The following PRIMPOL variants were observed in gnomAD, a reference collection of about 807,000 sequenced individuals.
PRIMPOL encodes DNA-directed primase/polymerase protein.
In PRIMPOL, 54 loss-of-function variants were observed where a neutral mutation model predicts 63.6. That is an observed-to-expected ratio of 0.85 (90% CI 0.68 to 1.07). PRIMPOL has a LOEUF of 1.07. Among genes scored for constraint, PRIMPOL ranks in the 50% least tolerant of loss-of-function variants. The pLI, the probability that PRIMPOL is intolerant of heterozygous loss-of-function variation, is 0.00. For missense variants in PRIMPOL, 610 were observed against 648.3 expected (o/e 0.94, Z 0.64); for synonymous variants, 197 against 220.2 (o/e 0.89, Z 0.93).
chr4:184,659,061 C>T (rs1374296218), intron 3 of PRIMPOL, among the ~76,000 whole-genome samples: 1 of 151,988 alleles, frequency 6.6e-6, no homozygotes, highest in African/African-American at 2.4e-5. Flanking sequence ...GGAAGTCATA[C>T]AAGTAATATT....
In PRIMPOL at chr4:184,691,523, A is replaced by C. The variant is rs781010577; in HGVS notation, c.1320A>C (p.Glu440Asp). Residue 440 changes from glutamate to aspartate, a missense_variant, in exon 12 of 14, where the codon GAA becomes GAC. Around this residue, in one of 3 missense-constraint regions of PRIMPOL, gnomAD observed 444 missense variants for 456.4 expected, o/e 0.97. Transcript: ENST00000314970. ...NIMILVDLKN[E>D]VWYQKCHDPV... ...GGATTCTGGTTGATCTGAAAAATGA[A>C]GTTTGGTATCAAAAATGTCATGACC... The C allele has an allele frequency of 6.2e-7, 1 of 1,602,210 alleles. No individual in the cohort carries two copies. The highest frequency in any genetic ancestry group is 1.1e-5 in the South Asian group (1 of 90,216).
chr4:184,689,351 C>A (rs1431724706), intron 11 of PRIMPOL, among the ~76,000 whole-genome samples: 1 of 151,998 alleles, frequency 6.6e-6, no homozygotes, highest in Non-Finnish European at 1.5e-5. Flanking sequence ...TGTGAACCAC[C>A]TCACCAGGCC....
At position 184,694,832 on chromosome 4, in the gene PRIMPOL, T is replaced by C; in HGVS notation, c.*53T>C. ...CAGGCTATAATTTGCCTGATGTCTG[T>C]GAGATTTGATAAATATATCATTCAA... On this transcript the variant is annotated 3_prime_UTR_variant, in exon 14 of 14. Coordinates refer to ENST00000314970, the MANE Select transcript of PRIMPOL (RefSeq NM_152683.4). 1 of 1,417,728 alleles carries C rather than the reference T, an allele frequency of 7.1e-7. No homozygotes were observed. The highest frequency in any genetic ancestry group is 9.8e-7 in the Non-Finnish European group (1 of 1,018,034). The allele number at this position is 1,417,728 out of a possible 1,614,324, so 87.8% of individuals were successfully genotyped here.
chr4:184,657,332 CTCCTCCTCTTCTTCT>C lies in PRIMPOL; in HGVS notation c.180+24_180+38del. ...AAAGCTGTAAAGAAGTAATTTCCTCCTCCTCCTCTTCTTCTTCCTCCTCTTCCACTTCCTCTTCTT... is the reference window on the plus strand; with the variant it reads ...AAAGCTGTAAAGAAGTAATTTCCTCCTCCTCCTCTTCCACTTCCTCTTCTT... On this transcript the variant is annotated intron_variant, in intron 3 of 13. Transcript: ENST00000314970. 1 of 1,581,206 alleles carries C rather than the reference CTCCTCCTCTTCTTCT, an allele frequency of 6.3e-7. No homozygotes were observed. Among genetic ancestry groups the C allele is most frequent in the South Asian group, 1.1e-5 (1 of 87,022 alleles).
At chr4:184,687,040 A>C (rs1384096400) in intron 11 of PRIMPOL, among the ~76,000 whole-genome samples, 1 of 152,166 alleles carries the variant, frequency 6.6e-6, no homozygotes, top group Non-Finnish European at 1.5e-5. Context: ...TAACCGTGGA[A>C]TATATCATAC....
intron 2 of PRIMPOL, among the ~76,000 whole-genome samples, chr4:184,655,644 T>C (rs1746207483): frequency 6.6e-6 from 1 of 152,140 alleles, no homozygotes; most frequent in South Asian, 2.1e-4. Context: ...TTTAGGGAGA[T>C]TCTGGTTTTC....
intron 3 of PRIMPOL, chr4:184,657,527 T>C (rs1746805536): frequency 4.3e-6 from 2 of 470,364 alleles, no homozygotes; most frequent in South Asian, 6.5e-5. Context: ...AACCATTTAA[T>C]TTATATTAGT....
chr4:184,658,037 T>TAC (rs1491275543), intron 3 of PRIMPOL, among the ~76,000 whole-genome samples: 1 of 95,700 alleles, frequency 1.0e-5, no homozygotes, highest in Non-Finnish European at 2.3e-5. Flanking sequence ...TAAATAAATA[T>TAC]CACTAAATCA....
intron 2 of PRIMPOL, among the ~76,000 whole-genome samples, chr4:184,656,750 G>A (rs371159988): frequency 5.3e-5 from 8 of 152,276 alleles, no homozygotes; most frequent in African/African-American, 1.9e-4. Flanking sequence ...ATTTACATGA[G>A]GCTTTGTAAT....
rs56191400 is a variant in PRIMPOL at position 184,655,610 on chromosome 4, G to A, written c.-59-1472G>A. On this transcript the variant is annotated intron_variant, in intron 2 of 13. Coordinates refer to ENST00000314970, the MANE Select transcript of PRIMPOL (RefSeq NM_152683.4). ...GCTGGGAATACAGGCAGGAGCCACC[G>A]CGCCTGGCCCCCTTTCTTAATCTTT... is the stretch of plus-strand genomic sequence containing the variant. 8.2e-3 allele frequency among the ~76,000 whole-genome samples: 1,252 copies of A among 152,212 alleles called. 19 individuals are homozygous for A. The highest frequency in any genetic ancestry group is 0.029 in the African/African-American group (1,188 of 41,528).
chr4:184,666,003 A>G lies in PRIMPOL; in HGVS notation c.495A>G (p.Lys165=), dbSNP rs765922771. 12 of 1,610,716 alleles carry G rather than the reference A, an allele frequency of 7.5e-6. No individual in the cohort carries two copies. Among genetic ancestry groups the G allele is most frequent in the Non-Finnish European group, 9.3e-6 (11 of 1,177,350 alleles). The part of the protein sequence containing the change: ...VLNLDSSTDE[K]FSRHLIFQLH... ...ACTTGGATTCTAGCACTGATGAAAA[A>G]TTCAGCCGGCATTTAATATTTCAGC... The change falls in exon 6 of 14, where the codon AAA becomes AAG. Residue 165 remains lysine, a synonymous_variant. Coordinates refer to ENST00000314970, the MANE Select transcript of PRIMPOL (RefSeq NM_152683.4).
At chr4:184,692,582 G>A (rs758463670) in intron 13 of PRIMPOL, among the ~76,000 whole-genome samples, 16 of 151,190 alleles carry the variant, frequency 1.1e-4, no homozygotes, top group African/African-American at 3.4e-4. Flanking sequence ...AATGATACAC[G>A]TTTTGGCACG....
At position 184,657,190 on chromosome 4, in the gene PRIMPOL, C is replaced by G; in HGVS notation, c.50C>G (p.Ser17Cys). The G allele has an allele frequency of 6.2e-7, 1 of 1,611,408 alleles. No homozygotes were observed. The part of the protein sequence containing the change: ...AKLKQIEERA[S>C]HYERKPLSSV... ...CTGAAGCAAATTGAAGAACGAGCAT[C>G]TCATTATGAGAGGAAACCGTTGTCC... The change falls in exon 3 of 14, where the codon TCT (serine) becomes TGT (cysteine). Residue 17 changes from serine (S) to cysteine (C), a missense_variant. By Grantham distance (112) the Ser-to-Cys change is moderately radical. Coordinates refer to ENST00000314970, the MANE Select transcript of PRIMPOL (RefSeq NM_152683.4).
Position 184,694,910 on chromosome 4 carries a change from A to ACTT in PRIMPOL, c.*134_*136dup, listed in dbSNP as rs905551745. Reference sequence around the variant, plus strand: ...CTTTGCTTTCCAATTTTTGTTTTTTACTTCTGTAAACCAATTTCATTAAAA... The same window carrying ACTT: ...CTTTGCTTTCCAATTTTTGTTTTTTACTTCTTCTGTAAACCAATTTCATTAAAA... On this transcript the variant is annotated 3_prime_UTR_variant, in exon 14 of 14. Coordinates refer to ENST00000314970, the MANE Select transcript of PRIMPOL (RefSeq NM_152683.4). 150 of 718,390 alleles carry ACTT rather than the reference A, an allele frequency of 2.1e-4. No individual in the cohort carries two copies. The highest frequency in any genetic ancestry group is 7.7e-4 in the Admixed American group (25 of 32,464). The allele number at this position is 718,390 out of a possible 1,614,324, so 44.5% of individuals were successfully genotyped here.
chr4:184,681,766 G>A (rs1230150787), intron 8 of PRIMPOL, among the ~76,000 whole-genome samples: 2 of 152,074 alleles, frequency 1.3e-5, no homozygotes, highest in African/African-American at 2.4e-5. Flanking sequence ...GTAGACAGGG[G>A]TTTCACTATG....
chr4:184,685,586 T>A lies in PRIMPOL; in HGVS notation c.1197T>A (p.Arg399=). The part of the protein sequence containing the change: ...NKDGIKGGIR[R]WNYFFPEELL... Reference sequence around the variant, plus strand: ...TTATTTGCATTTTAGGAATTCGGCGTTGGAACTACTTTTTCCCAGAAGAAT... The same window carrying A: ...TTATTTGCATTTTAGGAATTCGGCGATGGAACTACTTTTTCCCAGAAGAAT... The change falls in exon 11 of 14, where the codon CGT becomes CGA. Residue 399 remains arginine, a synonymous_variant. Coordinates refer to ENST00000314970, the MANE Select transcript of PRIMPOL (RefSeq NM_152683.4). 1 of 1,611,910 alleles carries A rather than the reference T, an allele frequency of 6.2e-7. No homozygotes were observed. The highest frequency in any genetic ancestry group is 8.5e-7 in the Non-Finnish European group (1 of 1,178,268).
At chr4:184,675,467 G>C (rs28701541) in intron 7 of PRIMPOL, among the ~76,000 whole-genome samples, 1 of 151,508 alleles carries the variant, frequency 6.6e-6, no homozygotes, top group Non-Finnish European at 1.5e-5. Flanking sequence ...AATATTTTAG[G>C]CTATACGGTT....
rs1050858913 is a variant in PRIMPOL at position 184,691,599 on chromosome 4, A to G, written c.1378+18A>G. On this transcript the variant is annotated intron_variant, in intron 12 of 13. Coordinates refer to ENST00000314970, the MANE Select transcript of PRIMPOL (RefSeq NM_152683.4). Reference sequence around the variant, plus strand: ...ATCTGACTGTAAGTTACTAATTTTTACATTTACCACAAAGTAAAAATTAGA... The same window carrying G: ...ATCTGACTGTAAGTTACTAATTTTTGCATTTACCACAAAGTAAAAATTAGA... The G allele has an allele frequency of 2.5e-6, 4 of 1,601,406 alleles. No homozygotes were observed. The highest frequency in any genetic ancestry group is 1.3e-5 in the African/African-American group (1 of 74,554).
intron 6 of PRIMPOL, among the ~76,000 whole-genome samples, chr4:184,669,784 C>T (rs1321373047): frequency 6.6e-6 from 1 of 152,152 alleles, no homozygotes; most frequent in Non-Finnish European, 1.5e-5. Context: ...TAGAGAGATG[C>T]GATCAGGCCT....
Sources: allele counts gnomAD v4.1 joint callset (sites outside exome capture counted in the v4.1 genomes callset), GRCh38; gene constraint gnomAD v4.1.1; regional missense constraint gnomAD v4.1.1; transcripts MANE v1.5; gene names NCBI Gene and HGNC (gene_info 2026-07-23, HGNC 2026-07-21).